Variants in OGG1 observed in about 807,000 individuals in gnomAD.
The protein encoded by OGG1 is N-glycosylase/DNA lyase.
Under a neutral mutation model 42.3 loss-of-function variants are expected in OGG1, and 35 were observed. The observed-to-expected ratio is 0.83, with a 90% CI of 0.63 to 1.10. The LOEUF is 1.10. Ranked by LOEUF, OGG1 falls within the 50% of genes least tolerant of loss-of-function variation. The pLI, the probability that OGG1 is intolerant of heterozygous loss-of-function variation, is 0.00. For missense variants in OGG1, 484 were observed against 446.7 expected (o/e 1.08, Z -0.75); for synonymous variants, 189 against 179.0 (o/e 1.06, Z -0.44).
chr3:9,757,091 C>T lies in OGG1; in HGVS notation c.979C>T (p.Arg327Cys), dbSNP rs755776268. Residue 327 changes from arginine to cysteine, a missense_variant, in exon 7 of 7, where the codon CGC becomes TGC. Arg to Cys is a radical substitution (Grantham distance 180). Transcript: ENST00000344629. The surrounding 1 kb of genome is among the most constrained non-coding windows in gnomAD (Gnocchi z 4.5). ...GTTCAGTGCCGACCTGCGCCAATCC[C>T]GCCATGCTCAGGAGCCACCAGCAAA... ...VLFSADLRQS[R>C]HAQEPPAKRR... 69 of 1,614,036 alleles carry T rather than the reference C, an allele frequency of 4.3e-5. No homozygotes were observed. The highest frequency in any genetic ancestry group is 5.2e-5 in the Non-Finnish European group (61 of 1,180,044).
At chr3:9,780,436 G>A in intron 2 of OGG1, 1 of 1,613,016 alleles carries the variant, frequency 6.2e-7, no homozygotes, top group Middle Eastern at 1.6e-4. Context: ...CTTGGTGGGA[G>A]TCCGCTTCTT....
chr3:9,787,238 T>C (rs1410323129), intron 3 of OGG1: 1 of 1,614,226 alleles, frequency 6.2e-7, no homozygotes, highest in East Asian at 2.2e-5. Context: ...ATGAGGCCTT[T>C]CTTCTTGTCA....
At position 9,772,984 on chromosome 3, in the gene OGG1, G is replaced by C. The variant is rs189495637; in HGVS notation, c.295-8529G>C. Among the ~76,000 whole-genome samples the C allele has an allele frequency of 1.2e-4, 19 of 152,182 alleles. 1 individual carries two copies. The highest frequency in any genetic ancestry group is 2.6e-4 in the Non-Finnish European group (18 of 67,996). On this transcript the variant is annotated intron_variant, in intron 2 of 3. Transcript: ENST00000426518. ...TCAAAAAGTGAGTGAAGGGCCAGGC[G>C]TGGGGAGGCCAAGGTGGGCAGATCA...
chr3:9,754,837 T>C lies in OGG1; in HGVS notation c.699T>C (p.Tyr233=), dbSNP rs1270460728. The change falls in exon 4 of 7, where the codon TAT becomes TAC. Residue 233 remains tyrosine, a synonymous_variant. Coordinates refer to ENST00000344629, the MANE Select transcript of OGG1 (RefSeq NM_002542.6). ...TGCAGCAGCTACGAGAGTCCTCATA[T>C]GAGGAGGCCCACAAGGCCCTCTGCA... ...AWLQQLRESS[Y]EEAHKALCIL... 10 of 1,610,290 alleles carry C rather than the reference T, an allele frequency of 6.2e-6. No homozygotes were observed. The highest frequency in any genetic ancestry group is 8.5e-6 in the Non-Finnish European group (10 of 1,178,388).
chr3:9,782,569 G>C (rs1431637330), intron 3 of OGG1, among the ~76,000 whole-genome samples: 1 of 152,190 alleles, frequency 6.6e-6, no homozygotes, highest in African/African-American at 2.4e-5. Context: ...CTAGTAATCT[G>C]CAAGTCCCTT....
intron 3 of OGG1, chr3:9,752,236 C>A: frequency 2.0e-6 from 1 of 495,496 alleles, no homozygotes; most frequent in Non-Finnish European, 3.7e-6. Flanking sequence ...ATTCTGGGGA[C>A]AGACCCATGC....
intron 1 of OGG1, 165 bp downstream of exon 1, chr3:9,750,588 A>G (rs371155002): frequency 1.1e-6 from 1 of 907,606 alleles, no homozygotes; most frequent in Non-Finnish European, 1.7e-6. Context: ...ATATGTCTGT[A>G]CAGTGATAAT....
At chr3:9,759,038 G>A, downstream of OGG1, 2 of 737,114 alleles carry the variant, frequency 2.7e-6, no homozygotes, top group Non-Finnish European at 4.9e-6. Context: ...GCCCTAAGAG[G>A]CCTGGCCCCT....
chr3:9,775,475 A>G (rs1354103987), intron 2 of OGG1, among the ~76,000 whole-genome samples: 1 of 151,526 alleles, frequency 6.6e-6, no homozygotes, highest in Admixed American at 6.6e-5. Flanking sequence ...CTTCACCCTC[A>G]CTCCCTCTCA....
At chr3:9,789,961 G>T (rs778276110), downstream of OGG1, 1 of 1,586,178 alleles carries the variant, frequency 6.3e-7, no homozygotes. Context: ...AGTCGGTGAG[G>T]ATCTGAAATT....
At chr3:9,761,872 CTT>C (rs1357170010), downstream of OGG1, 89 of 1,454,772 alleles carry the variant, frequency 6.1e-5, no homozygotes, top group Non-Finnish European at 7.6e-5. Context: ...GCCACTGTGG[CTT>C]CATGGCTGTC....
downstream of OGG1, chr3:9,760,114 G>C: frequency 4.6e-6 from 1 of 219,178 alleles, no homozygotes; most frequent in Non-Finnish European, 9.3e-6. Flanking sequence ...CATGGTGGTG[G>C]GCGCCTGTAA....
At chr3:9,760,008 CAAT>C, downstream of OGG1, 1 of 410,936 alleles carries the variant, frequency 2.4e-6, no homozygotes, top group South Asian at 2.7e-5. Context: ...TTTGGGAGGC[CAAT>C]GCAGGTGGAT....
chr3:9,756,586 C>T lies in OGG1; in HGVS notation c.863C>T (p.Ala288Val), dbSNP rs3219012. 1.9e-3 allele frequency: 3,139 copies of T among 1,614,112 alleles called. 3 individuals carry two copies. The highest frequency in any genetic ancestry group is 2.3e-3 in the Non-Finnish European group (2,695 of 1,180,002). Residue 288 changes from alanine to valine, a missense_variant, in exon 5 of 7, where the codon GCG becomes GTG. Coordinates refer to ENST00000344629, the MANE Select transcript of OGG1 (RefSeq NM_002542.6). ...DYSWHPTTSQ[A>V]KGPSPQTNKE... ...AGCTGGCACCCTACCACGTCCCAGG[C>T]GAAGGGACCGAGCCCCCAGACCAAC...
At chr3:9,755,465 CTTT>C (rs60075191) in intron 4 of OGG1, among the ~76,000 whole-genome samples, 7 of 136,370 alleles carry the variant, frequency 5.1e-5, no homozygotes, top group African/African-American at 8.2e-5. Context: ...AGGCATTTGT[CTTT>C]TTTTTTTTTT....
chr3:9,789,596 C>T (rs771098701), downstream of OGG1: 1 of 1,614,150 alleles, frequency 6.2e-7, no homozygotes, highest in South Asian at 1.1e-5. Flanking sequence ...CACAGTAGGG[C>T]TCCACTGAAG....
chr3:9,785,280 G>C, intron 3 of OGG1: 1 of 1,531,518 alleles, frequency 6.5e-7, no homozygotes, highest in Non-Finnish European at 9.0e-7. Flanking sequence ...CAGAAGCGGG[G>C]GCCAGACTGT....
At chr3:9,763,363 C>G (rs2077981343) in intron 7 of OGG1, 1 of 740,268 alleles carries the variant, frequency 1.4e-6, no homozygotes, top group Non-Finnish European at 2.2e-6. Flanking sequence ...TGTGACTAGC[C>G]ACTGCACTCC....
chr3:9,750,700 G>T, intron 1 of OGG1: 1 of 685,280 alleles, frequency 1.5e-6, no homozygotes, highest in Non-Finnish European at 2.5e-6. Flanking sequence ...AATGCAGAGA[G>T]GCCCATTCCA....
Sources: gnomAD v4.1 joint callset for allele counts (sites outside exome capture counted in the v4.1 genomes callset) on GRCh38, gnomAD v4.1.1 for gene constraint, Gnocchi (gnomAD v3.1) non-coding constraint, MANE v1.5 for transcripts, NCBI Gene and HGNC (gene_info 2026-07-23, HGNC 2026-07-21) for gene names.